CAMKK1: variants seen among roughly 807,000 people sequenced by gnomAD.
The protein encoded by CAMKK1 is calcium/calmodulin-dependent protein kinase kinase 1.
In CAMKK1, 20 loss-of-function variants were observed where a neutral mutation model predicts 63.5. That is an observed-to-expected ratio of 0.32 (90% CI 0.22 to 0.46). The LOEUF is 0.46. Among genes scored for constraint, CAMKK1 ranks in the 20% least tolerant of loss-of-function variants. CAMKK1 has a pLI of 1.00. For missense variants in CAMKK1, 588 were observed against 658.1 expected (o/e 0.89, Z 1.17); for synonymous variants, 253 against 269.0 (o/e 0.94, Z 0.58).
intron 15 of CAMKK1, chr17:3,865,031 C>G (rs993972711): frequency 2.7e-4 from 205 of 745,784 alleles, no homozygotes; most frequent in Non-Finnish European, 3.3e-4. Flanking sequence ...CTCCCACCAG[C>G]CCCTTCCCCA....
rs567309154 is a variant in CAMKK1 at position 3,863,591 on chromosome 17, A to G, written c.1446-1308T>C. 5.9e-5 allele frequency among the ~76,000 whole-genome samples: 9 copies of G among 152,166 alleles called. No homozygotes were observed. In the East Asian group the frequency reaches 1.6e-3, roughly 26 times the overall value. ...AATCTTCTTTCAAAGTTAAACGTGG[A>G]GGCTGGGTGTGGTGGCTCATGCCTG... On this transcript the variant is annotated intron_variant, in intron 15 of 15. Coordinates refer to ENST00000348335, the MANE Select transcript of CAMKK1 (RefSeq NM_032294.3).
intron 14 of CAMKK1, among the ~76,000 whole-genome samples, chr17:3,867,933 T>C (rs2054600772): frequency 6.6e-6 from 1 of 151,332 alleles, no homozygotes; most frequent in African/African-American, 2.4e-5. Context: ...GAGCGGGCAC[T>C]AGGGGAGACA....
Position 3,862,577 on chromosome 17 carries a change from T to C in CAMKK1, c.1446-294A>G, listed in dbSNP as rs183797502. 3.2e-3 allele frequency among the ~76,000 whole-genome samples: 493 copies of C among 152,316 alleles called. 3 individuals are homozygous for C. Among genetic ancestry groups the C allele is most frequent in the African/African-American group, 0.011 (437 of 41,576 alleles). ...CTGCTCACAGTCTGACCCAGCTGAC[T>C]TCCCTACATCCTCCAACTATCAGCC... On this transcript the variant is annotated intron_variant, in intron 15 of 15. Coordinates refer to ENST00000348335, the MANE Select transcript of CAMKK1 (RefSeq NM_032294.3). This position sits in a 1 kb window ranked among gnomAD's most constrained non-coding sequence, Gnocchi z 4.1.
At position 3,893,050 on chromosome 17, in the gene CAMKK1, G is replaced by T. The variant is rs1206154831; in HGVS notation, c.-155C>A. On this transcript the variant is annotated 5_prime_UTR_variant, in exon 1 of 16. Transcript: ENST00000348335. The surrounding 1 kb of genome is among the most constrained non-coding windows in gnomAD (Gnocchi z 4.6). Reference sequence around the variant, plus strand: ...CCGCCTCGCTGGGGCCCAGATCGCCGAGCTCAGCCCGCGGGCGCCGCGGCT... The same window carrying T: ...CCGCCTCGCTGGGGCCCAGATCGCCTAGCTCAGCCCGCGGGCGCCGCGGCT... The T allele has an allele frequency of 1.6e-4, 23 of 140,384 alleles. No individual in the cohort carries two copies. In the East Asian group the frequency reaches 4.8e-3, roughly 30 times the overall value. 8.7% of individuals were successfully genotyped at this position (140,384 alleles called of 1,614,324 possible). A position where few individuals can be genotyped will look rare whatever the true frequency, so the allele number is the denominator to read the frequency against.
chr17:3,885,568 G>A lies in CAMKK1; in HGVS notation c.120C>T (p.Asn40=), dbSNP rs148138880. The A allele has an allele frequency of 2.7e-5, 44 of 1,613,924 alleles. No homozygotes were observed. Among genetic ancestry groups the A allele is most frequent in the South Asian group, 8.8e-5 (8 of 91,092 alleles). ...TGGCCCGTGGTGGGGGGTCCACACC[G>A]TTTCTAGTAGGCTCTGGGCCACCAT... ...EADGGPEPTR[N]GVDPPPRARA... Residue 40 remains asparagine (N), a synonymous_variant, in exon 2 of 16, where the codon AAC becomes AAT. Transcript: ENST00000348335.
rs144606226 is a variant in CAMKK1 at position 3,876,405 on chromosome 17, C to T, written c.814G>A (p.Val272Ile). ...GLEYLHCQKI[V>I]HRDIKPSNLL... ...TTGGATGGCTTGATGTCCCTGTGGA[C>T]GATCTTCTGGCAGTGCACTGCAGAG... Residue 272 changes from valine (V) to isoleucine (I), a missense_variant, in exon 10 of 16, where the codon GTC becomes ATC. Val to Ile is a conservative substitution (Grantham distance 29). This residue lies in a region of CAMKK1 where 357 missense variants were observed against 407.4 expected (regional missense o/e 0.88). Transcript: ENST00000348335. 44 of 1,614,006 alleles carry T rather than the reference C, an allele frequency of 2.7e-5. No individual in the cohort carries two copies. Among genetic ancestry groups the T allele is most frequent in the Admixed American group, 1.7e-4 (10 of 60,012 alleles).
intron 1 of CAMKK1, among the ~76,000 whole-genome samples, chr17:3,886,536 G>A (rs2055659632): frequency 6.6e-6 from 1 of 152,172 alleles, no homozygotes; most frequent in African/African-American, 2.4e-5. Context: ...GGAGGCTGAG[G>A]CAGGAGAATC....
At chr17:3,869,212 C>G (rs1006755978) in intron 14 of CAMKK1, among the ~76,000 whole-genome samples, 1 of 152,148 alleles carries the variant, frequency 6.6e-6, no homozygotes, top group Non-Finnish European at 1.5e-5. Flanking sequence ...CCGCCTTGGC[C>G]TCCCAAAGTG....
At chr17:3,873,576 T>C in intron 10 of CAMKK1, 114 bp from the exon 11 acceptor site, 1 of 973,508 alleles carries the variant, frequency 1.0e-6, no homozygotes, top group Non-Finnish European at 1.6e-6. Context: ...TGTCATGCAC[T>C]CACTCGACAA....
At position 3,883,172 on chromosome 17, in the gene CAMKK1, C is replaced by A. The variant is rs367817211; in HGVS notation, c.518G>T (p.Arg173Leu). Residue 173 changes from arginine (R) to leucine (L), a missense_variant, in exon 6 of 16, where the codon CGC becomes CTC. Around this residue, in one of 3 missense-constraint regions of CAMKK1, gnomAD observed 357 missense variants for 407.4 expected, o/e 0.88. Transcript: ENST00000348335. The surrounding 1 kb of genome is among the most constrained non-coding windows in gnomAD (Gnocchi z 4.7). ...KLLKQYGFPR[R>L]PPPRGSQAAQ... Reference sequence around the variant, plus strand: ...AGCCTGGGACCCTCTCGGGGGAGGGCGACCTGTGACCAGGAAGAGAACTCA... The same window carrying A: ...AGCCTGGGACCCTCTCGGGGGAGGGAGACCTGTGACCAGGAAGAGAACTCA... 2 of 1,609,686 alleles carry A rather than the reference C, an allele frequency of 1.2e-6. No individual in the cohort carries two copies. The highest frequency in any genetic ancestry group is 1.7e-6 in the Non-Finnish European group (2 of 1,179,914).
At chr17:3,869,639 A>G in intron 13 of CAMKK1, 24 bp from the exon 14 acceptor site, 1 of 1,613,984 alleles carries the variant, frequency 6.2e-7, no homozygotes, top group East Asian at 2.2e-5. Flanking sequence ...GAGGGCAGGG[A>G]GAGGGGGAGA....
rs561512204 is a variant in CAMKK1, at chr17:3,884,251, C to T, written c.408+129G>A. 99 of 1,023,948 alleles carry T rather than the reference C, an allele frequency of 9.7e-5. No homozygotes were observed. The highest frequency in any genetic ancestry group is 1.3e-4 in the Non-Finnish European group (89 of 669,300). 63.4% of individuals were successfully genotyped at this position (1,023,948 alleles called of 1,614,324 possible). On this transcript the variant is annotated intron_variant, in intron 3 of 15. Coordinates refer to ENST00000348335, the MANE Select transcript of CAMKK1 (RefSeq NM_032294.3). This position sits in a 1 kb window ranked among gnomAD's most constrained non-coding sequence, Gnocchi z 4.5. ...GTACCTGGGTACTTCCCACAGGGCA[C>T]GAAACTGTCCTCACCTCCAGGCTAG...
intron 12 of CAMKK1, among the ~76,000 whole-genome samples, chr17:3,871,113 G>T (rs1405326184): frequency 1.3e-5 from 2 of 152,182 alleles, no homozygotes; most frequent in East Asian, 3.9e-4. Flanking sequence ...GGACTGGAGG[G>T]AGGCCAGCAG....
chr17:3,878,532 G>A (rs1263539933), intron 9 of CAMKK1, among the ~76,000 whole-genome samples: 2 of 152,184 alleles, frequency 1.3e-5, no homozygotes, highest in Non-Finnish European at 2.9e-5. Context: ...GGGGTAAAAT[G>A]TCCCCTTCCC....
rs142234835 is a variant in CAMKK1 at position 3,883,131 on chromosome 17, C to G, written c.559G>C (p.Ala187Pro). ...RGSQAAQGGP[A>P]KQLLPLERVY... ...CGCTCCAGGGGCAGCAGCTGCTTGG[C>G]TGGTCCTCCCTGGGCAGCCTGGGAC... The change falls in exon 6 of 16, where the codon GCC becomes CCC. Residue 187 changes from alanine (A) to proline (P), a missense_variant. Transcript: ENST00000348335. The surrounding 1 kb of genome is among the most constrained non-coding windows in gnomAD (Gnocchi z 4.7). 1.2e-5 allele frequency: 19 copies of G among 1,612,886 alleles called. No homozygotes were observed. Among genetic ancestry groups the G allele is most frequent in the African/African-American group, 2.7e-5 (2 of 74,912 alleles).
chr17:3,864,109 C>T (rs1381282394), intron 15 of CAMKK1, among the ~76,000 whole-genome samples: 3 of 151,452 alleles, frequency 2.0e-5, no homozygotes, highest in African/African-American at 7.3e-5. Context: ...CCCACCACCA[C>T]GCCCGGCTAA....
In CAMKK1 at chr17:3,884,313, G is replaced by A. The variant is rs2143880107; in HGVS notation, c.408+67C>T. ...CTCTGCCTCCCGTTCCCTCCCACAC[G>A]AGAGAAGGAGCAGCGCCAAACAGAG... On this transcript the variant is annotated intron_variant, in intron 3 of 15. Coordinates refer to ENST00000348335, the MANE Select transcript of CAMKK1 (RefSeq NM_032294.3). This position sits in a 1 kb window ranked among gnomAD's most constrained non-coding sequence, Gnocchi z 4.5. The A allele has an allele frequency of 1.3e-6, 2 of 1,549,004 alleles. No individual in the cohort carries two copies. The highest frequency in any genetic ancestry group is 1.8e-6 in the Non-Finnish European group (2 of 1,122,152).
chr17:3,865,321 G>C, intron 15 of CAMKK1: 7 of 987,010 alleles, frequency 7.1e-6, no homozygotes, highest in Non-Finnish European at 8.4e-6. Flanking sequence ...CCTCTCCCGT[G>C]GTCCACCGGC....
chr17:3,869,278 A>G (rs576823772), intron 14 of CAMKK1, among the ~76,000 whole-genome samples: 88 of 152,262 alleles, frequency 5.8e-4, no homozygotes, highest in East Asian at 3.7e-3. Context: ...ATTTCTTTAA[A>G]TCAGTCACTC....
Sources: gnomAD v4.1 joint callset for allele counts (sites outside exome capture counted in the v4.1 genomes callset) on GRCh38, gnomAD v4.1.1 for gene constraint, gnomAD v4.1.1 regional missense constraint, Gnocchi (gnomAD v3.1) non-coding constraint, MANE v1.5 for transcripts, NCBI Gene and HGNC (gene_info 2026-07-23, HGNC 2026-07-21) for gene names.